ERCC3: variants seen among roughly 807,000 people sequenced by gnomAD.
ERCC3 encodes general transcription and DNA repair factor IIH helicase/translocase subunit XPB.
In ERCC3, 66 loss-of-function variants were observed where a neutral mutation model predicts 94.2. The observed-to-expected ratio is 0.70, with a 90% CI of 0.57 to 0.86. The LOEUF (loss-of-function observed/expected upper bound fraction) is 0.86, where lower values mean the gene tolerates loss of function less well. ERCC3 is among the 40% of genes least tolerant of loss of function. The pLI, the probability that ERCC3 is intolerant of heterozygous loss-of-function variation, is 0.00. For synonymous variants in ERCC3, 349 were observed against 369.1 expected (o/e 0.95, Z 0.63); for missense variants, 829 against 987.1 (o/e 0.84, Z 2.15).
rs1361480597 is a variant in ERCC3 at position 127,279,176 on chromosome 2, T to C, written c.1727A>G (p.Asn576Ser). The C allele has an allele frequency of 2.7e-5, 43 of 1,606,938 alleles. No individual in the cohort carries two copies. The Admixed American group carries it at 5.7e-4, about 21-fold the overall frequency. ...FALKEYAIRLNKPYIYGPTSQ... is the reference protein window; with the variant it reads ...FALKEYAIRLSKPYIYGPTSQ... ...GCTCCAAGTTTTCAATTCTTACTTG[T>C]TCAGTCGAATGGCATATTCCTTTAG... The change falls in exon 10 of 15, where the codon AAC becomes AGC. Residue 576 changes from asparagine to serine, a missense_variant. Transcript: ENST00000285398. The surrounding 1 kb of genome is among the most constrained non-coding windows in gnomAD (Gnocchi z 4.7).
At chr2:127,266,080 G>T (rs1321208364) in intron 12 of ERCC3, among the ~76,000 whole-genome samples, 2 of 149,758 alleles carry the variant, frequency 1.3e-5, no homozygotes, top group Admixed American at 1.3e-4. Context: ...GTAATTGTGT[G>T]GGTTTTTTTT....
At position 127,292,708 on chromosome 2, in the gene ERCC3, C is replaced by G; in HGVS notation, c.373G>C (p.Ala125Pro). 6.2e-7 allele frequency: 1 copy of G among 1,614,168 alleles called. No homozygotes were observed. Residue 125 changes from alanine (A) to proline (P), a missense_variant, in exon 3 of 15, where the codon GCA becomes CCA. Physicochemically the swap from Ala to Pro is conservative, Grantham distance 27 (BLOSUM62 -1). Coordinates refer to ENST00000285398, the MANE Select transcript of ERCC3 (RefSeq NM_000122.2). Reference sequence around the variant, plus strand: ...GTTTGCAGCCCAACGCTGACAGCTGCATACAAGGAGTAGGCAGTTAGTTTG... The same window carrying G: ...GTTTGCAGCCCAACGCTGACAGCTGGATACAAGGAGTAGGCAGTTAGTTTG... ...EYKLTAYSLYAAVSVGLQTSD... is the reference protein window; with the variant it reads ...EYKLTAYSLYPAVSVGLQTSD...
In ERCC3 at chr2:127,293,642, C is replaced by G. The variant is rs1373227745; in HGVS notation, c.105G>C (p.Gln35His). 2 of 1,614,212 alleles carry G rather than the reference C, an allele frequency of 1.2e-6. No individual in the cohort carries two copies. The highest frequency in any genetic ancestry group is 2.2e-5 in the South Asian group (2 of 91,088). Residue 35 changes from glutamine (Q) to histidine (H), a missense_variant, in exon 2 of 15, where the codon CAG becomes CAC. Gln to His is a conservative substitution (Grantham distance 24). Transcript: ENST00000285398. ...TCCCCGCCGCCGAGGGAACCGCTTCCTGAGGGTCGTTCCCCGGGGCGTCCT... is the reference window on the plus strand; with the variant it reads ...TCCCCGCCGCCGAGGGAACCGCTTCGTGAGGGTCGTTCCCCGGGGCGTCCT... ...DEEDAPGNDP[Q>H]EAVPSAAGKQ...
intron 13 of ERCC3, chr2:127,260,729 A>T (rs1329673799): frequency 5.8e-6 from 1 of 172,736 alleles, no homozygotes; most frequent in Admixed American, 5.5e-5. Flanking sequence ...TCCCCAAAAT[A>T]TAAAGCCCTC....
Position 127,274,706 on chromosome 2 carries a change from C to T in ERCC3, c.1731-1745G>A, listed in dbSNP as rs1176359536. 1.3e-5 allele frequency among the ~76,000 whole-genome samples: 2 copies of T among 152,286 alleles called. No individual in the cohort carries two copies. The highest frequency in any genetic ancestry group is 2.1e-4 in the South Asian group (1 of 4,828). ...AGTGAAAAAGGTTAGAAGCCCCACT[C>T]GTCAGAACAGCCTGACTCTTGAGAC... On this transcript the variant is annotated intron_variant, in intron 10 of 14. Coordinates refer to ENST00000285398, the MANE Select transcript of ERCC3 (RefSeq NM_000122.2). This position sits in a 1 kb window ranked among gnomAD's most constrained non-coding sequence, Gnocchi z 4.0.
In ERCC3 at chr2:127,257,552, AGG is replaced by A; in HGVS notation, c.*42_*43del. The A allele has an allele frequency of 6.2e-7, 1 of 1,611,986 alleles. No individual in the cohort carries two copies. Among genetic ancestry groups the A allele is most frequent in the Non-Finnish European group, 8.5e-7 (1 of 1,179,462 alleles). On this transcript the variant is annotated 3_prime_UTR_variant, in exon 15 of 15. Transcript: ENST00000285398. The surrounding 1 kb of genome is among the most constrained non-coding windows in gnomAD (Gnocchi z 5.4). ...TTATGCTGAAAATCCCTTTCCAACA[AGG>A]GTGCCAAGCGCCGGTCTTGAACGAA...
chr2:127,263,524 T>C (rs1417882764), intron 12 of ERCC3, among the ~76,000 whole-genome samples: 1 of 152,128 alleles, frequency 6.6e-6, no homozygotes, highest in Admixed American at 6.6e-5. Flanking sequence ...AGCCTTTTGG[T>C]GGAGTCTTTA....
rs763746043 is a variant in ERCC3, at chr2:127,293,532, G to T, written c.215C>A (p.Thr72Asn). Residue 72 changes from threonine (T) to asparagine (N), a missense_variant, in exon 2 of 15, where the codon ACC becomes AAC. Coordinates refer to ENST00000285398, the MANE Select transcript of ERCC3 (RefSeq NM_000122.2). ...GCTTACCACCCAGAGGGGCCTGGAG[G>T]TGTGGTCGTCCTTCAGCGGCATTTG... is the stretch of plus-strand genomic sequence containing the variant. ...RLQMPLKDDH[T>N]SRPLWVAPDG... The T allele has an allele frequency of 1.2e-6, 2 of 1,614,040 alleles. No individual in the cohort carries two copies. The highest frequency in any genetic ancestry group is 4.5e-5 in the East Asian group (2 of 44,884).
intron 8 of ERCC3, among the ~76,000 whole-genome samples, chr2:127,283,340 A>G (rs1328638393): frequency 6.6e-6 from 1 of 152,034 alleles, no homozygotes; most frequent in Admixed American, 6.5e-5. Context: ...GAAATCACAT[A>G]CTATGGAAGC....
chr2:127,289,166 C>T (rs1340684330), intron 6 of ERCC3, among the ~76,000 whole-genome samples, 171 bp downstream of exon 6: 3 of 152,198 alleles, frequency 2.0e-5, no homozygotes, highest in African/African-American at 7.2e-5. Context: ...ACTTTAACTC[C>T]ATCAGGAGAA....
Position 127,271,488 on chromosome 2 carries a change from G to T in ERCC3, c.1828-35C>A. ...CAAGTTGGAAGGTTTTTATATATGA[G>T]GAAAAAAAAAAAGTCAACTGATCCA... On this transcript the variant is annotated intron_variant, in intron 11 of 14. Transcript: ENST00000285398. This position sits in a 1 kb window ranked among gnomAD's most constrained non-coding sequence, Gnocchi z 5.0. 7.3e-7 allele frequency: 1 copy of T among 1,377,368 alleles called. No individual in the cohort carries two copies. The highest frequency in any genetic ancestry group is 1.0e-6 in the Non-Finnish European group (1 of 987,914). The allele number at this position is 1,377,368 out of a possible 1,614,324, so 85.3% of individuals were successfully genotyped here.
At chr2:127,261,458 C>G in intron 12 of ERCC3, 112 bp from the exon 13 acceptor site, 2 of 791,024 alleles carry the variant, frequency 2.5e-6, no homozygotes, top group Non-Finnish European at 4.6e-6. Context: ...AAGCCCTGCA[C>G]TCGGGGTTAC....
rs1434483229 is a variant in ERCC3, at chr2:127,277,488, G to T, written c.1730+1685C>A. ...AGGCAGATCACGAGGTCAAGAGATC[G>T]AGACCATCCTGGCCAATATGGTGAA... is the stretch of plus-strand genomic sequence containing the variant. On this transcript the variant is annotated intron_variant, in intron 10 of 14. Transcript: ENST00000285398. The surrounding 1 kb of genome is among the most constrained non-coding windows in gnomAD (Gnocchi z 5.1). 6.6e-6 allele frequency among the ~76,000 whole-genome samples: 1 copy of T among 152,062 alleles called. No homozygotes were observed. Among genetic ancestry groups the T allele is most frequent in the Non-Finnish European group, 1.5e-5 (1 of 68,024 alleles).
chr2:127,269,175 A>G (rs1681714782), intron 12 of ERCC3, among the ~76,000 whole-genome samples: 1 of 152,228 alleles, frequency 6.6e-6, no homozygotes, highest in South Asian at 2.1e-4. Context: ...TGTGGAAAGG[A>G]AAATTGCAGA....
chr2:127,271,262 C>T lies in ERCC3; in HGVS notation c.1945+74G>A. On this transcript the variant is annotated intron_variant, in intron 12 of 14. Transcript: ENST00000285398. This position sits in a 1 kb window ranked among gnomAD's most constrained non-coding sequence, Gnocchi z 5.0. ...GCCCCAGGGCACATGGCAGCTCTCA[C>T]CCCTATCGTCTTCCTAACTAAAGTG... 1 of 1,022,752 alleles carries T rather than the reference C, an allele frequency of 9.8e-7. No homozygotes were observed. The highest frequency in any genetic ancestry group is 1.6e-6 in the Non-Finnish European group (1 of 640,712). 63.4% of individuals were successfully genotyped at this position (1,022,752 alleles called of 1,614,324 possible).
In ERCC3 at chr2:127,292,750, T is replaced by C. The variant is rs1348437205; in HGVS notation, c.331A>G (p.Thr111Ala). 4.3e-6 allele frequency: 7 copies of C among 1,613,948 alleles called. No homozygotes were observed. The highest frequency in any genetic ancestry group is 1.7e-5 in the Admixed American group (1 of 60,020). Residue 111 changes from threonine (T) to alanine (A), a missense_variant, in exon 3 of 15, where the codon ACC becomes GCC. Physicochemically the swap from Thr to Ala is moderately conservative, Grantham distance 58. Coordinates refer to ENST00000285398, the MANE Select transcript of ERCC3 (RefSeq NM_000122.2). ...GTTAGTTTGTACTCATGCACATGGG[T>C]TGGTCGGCACACTGGCTCTGCAATA... ...VAIAEPVCRP[T>A]HVHEYKLTAY... is the part of the protein sequence containing the mutation.
Position 127,286,810 on chromosome 2 carries a change from ATG to A in ERCC3, c.1233_1234del (p.Met412AlafsTer30). On this transcript the variant is annotated frameshift_variant, in exon 8 of 15. Transcript: ENST00000285398. LOFTEE classifies it high-confidence loss of function. ...GGACCTTTTGGTGGTGTGGCCCAGC[ATG>A]GAGTAGGTGCTAATGGCAACGGAGC... 6.2e-7 allele frequency: 1 copy of A among 1,614,192 alleles called. No individual in the cohort carries two copies. The highest frequency in any genetic ancestry group is 1.3e-5 in the African/African-American group (1 of 75,042).
rs1284566311 is a variant in ERCC3, at chr2:127,291,062, A to G, written c.472-789T>C. On this transcript the variant is annotated intron_variant, in intron 3 of 14. Coordinates refer to ENST00000285398, the MANE Select transcript of ERCC3 (RefSeq NM_000122.2). The surrounding 1 kb of genome is among the most constrained non-coding windows in gnomAD (Gnocchi z 4.9). ...ATGCCACTGCTATCCAGCCTGGGCGACAGAGCAAGACTCCGTCTCAAAAAA... is the reference window on the plus strand; with the variant it reads ...ATGCCACTGCTATCCAGCCTGGGCGGCAGAGCAAGACTCCGTCTCAAAAAA... 1.3e-5 allele frequency among the ~76,000 whole-genome samples: 2 copies of G among 152,058 alleles called. No homozygotes were observed. The highest frequency in any genetic ancestry group is 6.6e-5 in the Admixed American group (1 of 15,264).
rs1478254210 is a variant in ERCC3 at position 127,271,286 on chromosome 2, T to C, written c.1945+50A>G. 3.2e-6 allele frequency: 4 copies of C among 1,251,260 alleles called. No individual in the cohort carries two copies. Among genetic ancestry groups the C allele is most frequent in the Non-Finnish European group, 4.7e-6 (4 of 848,690 alleles). 77.5% of individuals were successfully genotyped at this position (1,251,260 alleles called of 1,614,324 possible). A position where few individuals can be genotyped will look rare whatever the true frequency, so the allele number is the denominator to read the frequency against. On this transcript the variant is annotated intron_variant, in intron 12 of 14. Transcript: ENST00000285398. The surrounding 1 kb of genome is among the most constrained non-coding windows in gnomAD (Gnocchi z 5.0). ...ACCCCTATCGTCTTCCTAACTAAAG[T>C]GGTTTAAGAGGAGTGACCTCCTGCA...
Sources: allele counts gnomAD v4.1 joint callset (sites outside exome capture counted in the v4.1 genomes callset), GRCh38; gene constraint gnomAD v4.1.1; non-coding constraint Gnocchi (gnomAD v3.1); transcripts MANE v1.5; gene names NCBI Gene and HGNC (gene_info 2026-07-23, HGNC 2026-07-21).